Variants in RNF150 observed in about 807,000 individuals in gnomAD.
RNF150 encodes the protein ring finger protein 150.
Under a neutral mutation model 39.3 loss-of-function variants are expected in RNF150, and 24 were observed. That is an observed-to-expected ratio of 0.61 (90% CI 0.44 to 0.86). The LOEUF (loss-of-function observed/expected upper bound fraction) is 0.86, where lower values mean the gene tolerates loss of function less well. RNF150 is among the 40% of genes least tolerant of loss of function. RNF150 has a pLI of 0.00. For missense variants in RNF150, 502 were observed against 587.8 expected, an observed-to-expected ratio of 0.85 and a Z score of 1.51; for synonymous variants, 255 against 227.3, an observed-to-expected ratio of 1.12 and a Z score of -1.10.
intron 1 of RNF150, among the ~76,000 whole-genome samples, chr4:141,111,441 A>T (rs1197395295): frequency 6.6e-6 from 1 of 152,190 alleles, no homozygotes. Flanking sequence ...TATAGGCAGG[A>T]AAAAGATTAT....
intron 1 of RNF150, among the ~76,000 whole-genome samples, chr4:140,985,963 A>G (rs28396388): frequency 0.036 from 5,438 of 152,134 alleles, 332 homozygotes; most frequent in African/African-American, 0.12. Context: ...AAAAAGATTA[A>G]GGCAAGGAAA....
intron 1 of RNF150, among the ~76,000 whole-genome samples, chr4:141,152,772 CAT>C (rs1461952441): frequency 2.0e-5 from 3 of 152,164 alleles, no homozygotes; most frequent in Non-Finnish European, 4.4e-5. Flanking sequence ...ACTTTACACA[CAT>C]ATGTAACATC....
intron 1 of RNF150, among the ~76,000 whole-genome samples, chr4:141,106,395 T>A (rs1386409985): frequency 6.6e-6 from 1 of 152,308 alleles, no homozygotes; most frequent in East Asian, 1.9e-4. Flanking sequence ...AAAACACTTT[T>A]GAATTAAGAG....
At chr4:141,096,455 C>T (rs1288561437) in intron 1 of RNF150, among the ~76,000 whole-genome samples, 1 of 152,018 alleles carries the variant, frequency 6.6e-6, no homozygotes, top group Non-Finnish European at 1.5e-5. Context: ...GCCTCGGCCT[C>T]CCAAAGTGCT....
chr4:141,175,257 T>G (rs1415898643), intron 1 of RNF150, among the ~76,000 whole-genome samples: 1 of 152,202 alleles, frequency 6.6e-6, no homozygotes, highest in Non-Finnish European at 1.5e-5. Flanking sequence ...CCTCACAGAT[T>G]TGTTGAGCTC....
Position 141,165,504 on chromosome 4 carries a change from A to G in RNF150, c.-6+47290T>C, listed in dbSNP as rs923214978. Reference sequence around the variant, plus strand: ...AATCAACAGAATATACATTTTTCTTAGCACCACATCACACTTATTCTAAAA... The same window carrying G: ...AATCAACAGAATATACATTTTTCTTGGCACCACATCACACTTATTCTAAAA... On this transcript the variant is annotated intron_variant, in intron 1 of 7. Coordinates refer to the RNF150 transcript ENST00000420921. Among the ~76,000 whole-genome samples the G allele has an allele frequency of 3.7e-4, 57 of 152,222 alleles. 1 individual carries two copies. The highest frequency in any genetic ancestry group is 1.9e-4 in the Non-Finnish European group (13 of 68,036).
chr4:141,202,663 G>A (rs1466250060), intron 1 of RNF150, among the ~76,000 whole-genome samples: 1 of 151,806 alleles, frequency 6.6e-6, no homozygotes, highest in Non-Finnish European at 1.5e-5. Flanking sequence ...CAGTTTGTGA[G>A]TTTTACATTA....
intron 1 of RNF150, among the ~76,000 whole-genome samples, chr4:141,045,116 A>G (rs920180860): frequency 8.5e-5 from 13 of 152,220 alleles, no homozygotes; most frequent in Admixed American, 3.3e-4. Flanking sequence ...CATTTAGCTA[A>G]AAAGTGCTAG....
chr4:141,080,811 A>C (rs369641900), intron 1 of RNF150, among the ~76,000 whole-genome samples: 23 of 152,202 alleles, frequency 1.5e-4, no homozygotes, highest in African/African-American at 5.5e-4. Context: ...CATGTCCCCC[A>C]GGGAAGGCAC....
At chr4:141,091,676 CCAACTA>C (rs1440593053) in intron 1 of RNF150, among the ~76,000 whole-genome samples, 1 of 152,098 alleles carries the variant, frequency 6.6e-6, no homozygotes, top group East Asian at 1.9e-4. Context: ...AGGAATTAGA[CCAACTA>C]GATGACCTAA....
intron 1 of RNF150, among the ~76,000 whole-genome samples, chr4:141,164,649 T>C (rs1578775482): frequency 6.6e-6 from 1 of 152,318 alleles, no homozygotes; most frequent in East Asian, 1.9e-4. Flanking sequence ...GGGGCCAATA[T>C]TAAACATTCT....
At position 140,860,155 on chromosome 4, in the gene RNF150, T is replaced by G. The variant is rs1728427948; in HGVS notation, c.*8106A>C. The G allele has an allele frequency of 6.7e-6, 1 of 150,298 alleles. No individual in the cohort carries two copies. Among genetic ancestry groups the G allele is most frequent in the Non-Finnish European group, 1.5e-5 (1 of 67,498 alleles). 9.3% of individuals were successfully genotyped at this position (150,298 alleles called of 1,614,324 possible). A position where few individuals can be genotyped will look rare whatever the true frequency, so the allele number is the denominator to read the frequency against. On this transcript the variant is annotated 3_prime_UTR_variant, in exon 7 of 7. Transcript: ENST00000515673. ...CAGTTACTTTTTTTTTTTTTTCAATTTCTTTGTATTTCAAGAGGGATATAA... is the reference window on the plus strand; with the variant it reads ...CAGTTACTTTTTTTTTTTTTTCAATGTCTTTGTATTTCAAGAGGGATATAA...
At chr4:141,150,103 T>C (rs1367298212) in intron 1 of RNF150, among the ~76,000 whole-genome samples, 2 of 152,118 alleles carry the variant, frequency 1.3e-5, no homozygotes, top group African/African-American at 4.8e-5. Flanking sequence ...CATTTGCCAA[T>C]AAAGTTTTTG....
At chr4:141,088,108 T>C (rs1279429543) in intron 1 of RNF150, among the ~76,000 whole-genome samples, 1 of 152,188 alleles carries the variant, frequency 6.6e-6, no homozygotes, top group Non-Finnish European at 1.5e-5. Flanking sequence ...CATTTGGTCA[T>C]ATATAAACTG....
chr4:140,939,606 T>TTGTGTGTG, intron 4 of RNF150, among the ~76,000 whole-genome samples: 1 of 138,588 alleles, frequency 7.2e-6, no homozygotes, highest in African/African-American at 2.7e-5. Flanking sequence ...CAAGTGGAGT[T>TTGTGTGTG]TGTGTGTGTG....
chr4:141,135,116 T>C (rs191150974), upstream of RNF150, among the ~76,000 whole-genome samples: 7 of 152,348 alleles, frequency 4.6e-5, no homozygotes, highest in East Asian at 1.3e-3. Flanking sequence ...GCGAGGTTTC[T>C]TACTGTTGGA....
Position 141,155,149 on chromosome 4 carries a change from G to A in RNF150, c.-6+57645C>T, listed in dbSNP as rs551737798. On this transcript the variant is annotated intron_variant, in intron 1 of 7. Coordinates refer to the RNF150 transcript ENST00000420921. ...CACCCAGACTGGAGTGCAGTGGCGCGATCTTGGCTCACTGCAACCTCTGCC... is the reference window on the plus strand; with the variant it reads ...CACCCAGACTGGAGTGCAGTGGCGCAATCTTGGCTCACTGCAACCTCTGCC... Among the ~76,000 whole-genome samples, 22 of 152,086 alleles carry A rather than the reference G, an allele frequency of 1.4e-4. No individual in the cohort carries two copies. The East Asian group carries it at 2.1e-3, about 15-fold the overall frequency.
intron 1 of RNF150, among the ~76,000 whole-genome samples, chr4:140,996,285 A>T (rs1734374253): frequency 6.6e-6 from 1 of 152,176 alleles, no homozygotes; most frequent in African/African-American, 2.4e-5. Context: ...CTTTTAAGAA[A>T]TGTCTACTCA....
chr4:141,111,298 A>G (rs1739377234), intron 1 of RNF150, among the ~76,000 whole-genome samples: 2 of 152,204 alleles, frequency 1.3e-5, no homozygotes, highest in Admixed American at 6.5e-5. Context: ...TGGCAAAATA[A>G]ACAATTAATT....
Sources: gnomAD v4.1 joint callset for allele counts (sites outside exome capture counted in the v4.1 genomes callset) on GRCh38, gnomAD v4.1.1 for gene constraint, MANE v1.5 for transcripts, NCBI Gene and HGNC (gene_info 2026-07-23, HGNC 2026-07-21) for gene names.